LIMCH1: variants seen among roughly 807,000 people sequenced by gnomAD.
LIMCH1 encodes LIM and calponin homology domains 1.
A neutral mutation model predicts 176.5 loss-of-function variants in LIMCH1; 113 were observed. That is an observed-to-expected ratio of 0.64 (90% CI 0.55 to 0.75). The LOEUF is 0.75. Among genes scored for constraint, LIMCH1 ranks in the 30% least tolerant of loss-of-function variants. LIMCH1 has a pLI of 0.00. For synonymous variants in LIMCH1, 619 were observed against 645.9 expected (o/e 0.96, Z 0.63); for missense variants, 1,674 against 1,814.9 (o/e 0.92, Z 1.41).
At chr4:41,506,651 C>T (rs2074200705) in intron 2 of LIMCH1, among the ~76,000 whole-genome samples, 1 of 152,076 alleles carries the variant, frequency 6.6e-6, no homozygotes, top group Admixed American at 6.5e-5. Context: ...ACTGTTATGA[C>T]TTGGGAGACA....
In LIMCH1 at chr4:41,684,236, T is replaced by C. The variant is rs78001115; in HGVS notation, c.3846-161T>C. ...ATGGGTGGATAATAGAAATTTGTAGTACTTTATCATTTTAAATCTATTTTA... is the reference window on the plus strand; with the variant it reads ...ATGGGTGGATAATAGAAATTTGTAGCACTTTATCATTTTAAATCTATTTTA... On this transcript the variant is annotated intron_variant, in intron 26 of 31. Coordinates refer to ENST00000503057, the MANE Select transcript of LIMCH1 (RefSeq NM_001330672.2). 6.1e-3 allele frequency among the ~76,000 whole-genome samples: 930 copies of C among 152,318 alleles called. 11 individuals carry two copies. The highest frequency in any genetic ancestry group is 0.021 in the African/African-American group (888 of 41,572).
chr4:41,547,859 GTGTGTATATATATATATA>G (rs1230580614), intron 1 of LIMCH1, among the ~76,000 whole-genome samples: 1,376 of 69,426 alleles, frequency 0.02, 20 homozygotes, highest in African/African-American at 0.082. Context: ...TAATTTGTGT[GTGTGTATATATATATATA>G]TATATATATA....
rs780155856 is a variant in LIMCH1, at chr4:41,605,979, A to T, written c.-17A>T. 1.2e-5 allele frequency: 20 copies of T among 1,613,434 alleles called. No individual in the cohort carries two copies. The highest frequency in any genetic ancestry group is 1.6e-5 in the Non-Finnish European group (19 of 1,179,562). On this transcript the variant is annotated 5_prime_UTR_variant, in exon 4 of 32. Transcript: ENST00000503057. ...ACGACACTAAACCTGAAGGAGTTTG[A>T]AGGATTGTTGGCTCAGATGCGAAAG...
chr4:41,555,143 T>C (rs2081063195), intron 1 of LIMCH1, among the ~76,000 whole-genome samples: 1 of 152,228 alleles, frequency 6.6e-6, no homozygotes, highest in African/African-American at 2.4e-5. Flanking sequence ...ATGTGAAAAC[T>C]GTTCACAAAT....
rs57517524 is a variant in LIMCH1 at position 41,460,458 on chromosome 4, C to CTATATATATATATATATATA, written c.97-34076_97-34057dup. On this transcript the variant is annotated intron_variant, in intron 1 of 26. Transcript: ENST00000313860. ...AAATTTGTTCCACTATAGTAATCAT[C>CTATATATATATATATATATA]TATATATATATATATATATATCTTA... Among the ~76,000 whole-genome samples, 621 of 110,378 alleles carry CTATATATATATATATATATA rather than the reference C, an allele frequency of 5.6e-3. 23 individuals carry two copies. Among genetic ancestry groups the CTATATATATATATATATATA allele is most frequent in the African/African-American group, 0.015 (374 of 25,140 alleles). The allele number at this position is 110,378 out of a possible 152,430, so 72.4% of individuals were successfully genotyped here. A position where few individuals can be genotyped will look rare whatever the true frequency, so the allele number is the denominator to read the frequency against.
intron 1 of LIMCH1, among the ~76,000 whole-genome samples, chr4:41,478,388 A>G (rs2068066029): frequency 6.6e-6 from 1 of 152,180 alleles, no homozygotes; most frequent in Non-Finnish European, 1.5e-5. Context: ...AAGCCCTTTT[A>G]AAGGATAGGC....
Position 41,538,234 on chromosome 4 carries a change from G to A in LIMCH1, c.-357G>A. 1.0e-6 allele frequency: 1 copy of A among 985,588 alleles called. No homozygotes were observed. Among genetic ancestry groups the A allele is most frequent in the Non-Finnish European group, 1.2e-6 (1 of 830,034 alleles). The allele number at this position is 985,588 out of a possible 1,614,324, so 61.1% of individuals were successfully genotyped here. On this transcript the variant is annotated 5_prime_UTR_variant, in exon 1 of 32. An upstream start codon of the reference 5' UTR is lost. Coordinates refer to ENST00000503057, the MANE Select transcript of LIMCH1 (RefSeq NM_001330672.2). Reference sequence around the variant, plus strand: ...TGACGACTGTTTTGGGAAAGGAAATGTAAGGGCATTTCGGCTGCTGTGCTG... The same window carrying A: ...TGACGACTGTTTTGGGAAAGGAAATATAAGGGCATTTCGGCTGCTGTGCTG...
At chr4:41,647,844 A>G (rs1416973058) in intron 17 of LIMCH1, among the ~76,000 whole-genome samples, 1 of 152,270 alleles carries the variant, frequency 6.6e-6, no homozygotes, top group Non-Finnish European at 1.5e-5. Flanking sequence ...AGGCTTTGAT[A>G]GAACAAAAAT....
At chr4:41,383,466 A>T (rs948208295) in intron 1 of LIMCH1, among the ~76,000 whole-genome samples, 1 of 152,168 alleles carries the variant, frequency 6.6e-6, no homozygotes, top group Non-Finnish European at 1.5e-5. Context: ...AAAGCCAGGG[A>T]TCTGTGGGCT....
chr4:41,498,734 T>C (rs2072667593), intron 2 of LIMCH1, among the ~76,000 whole-genome samples: 1 of 152,224 alleles, frequency 6.6e-6, no homozygotes, highest in East Asian at 1.9e-4. Flanking sequence ...GCAGATGATA[T>C]TCTCTACTTC....
At chr4:41,547,452 C>T (rs1050158209) in intron 1 of LIMCH1, among the ~76,000 whole-genome samples, 1 of 151,692 alleles carries the variant, frequency 6.6e-6, no homozygotes, top group Non-Finnish European at 1.5e-5. Flanking sequence ...ATATTAACTG[C>T]AGAGGCCCAG....
At chr4:41,505,373 C>T (rs968014276) in intron 2 of LIMCH1, among the ~76,000 whole-genome samples, 5 of 152,320 alleles carry the variant, frequency 3.3e-5, no homozygotes, top group East Asian at 1.9e-4. Flanking sequence ...CAGCAAGCCA[C>T]GGGATGAAGG....
At chr4:41,522,827 T>G (rs993225312) in intron 2 of LIMCH1, among the ~76,000 whole-genome samples, 2 of 152,182 alleles carry the variant, frequency 1.3e-5, no homozygotes, top group Non-Finnish European at 2.9e-5. Flanking sequence ...ATAAATTGCC[T>G]TCCAACTGGT....
intron 4 of LIMCH1, among the ~76,000 whole-genome samples, chr4:41,606,283 T>A (rs560908316): frequency 3.3e-5 from 5 of 152,210 alleles, no homozygotes; most frequent in African/African-American, 1.2e-4. Context: ...TATGCCTTTG[T>A]ATGCCAAGAT....
chr4:41,651,307 A>G (rs1030551171), intron 18 of LIMCH1, among the ~76,000 whole-genome samples: 5 of 152,186 alleles, frequency 3.3e-5, no homozygotes, highest in South Asian at 4.2e-4. Context: ...CACCCAGCCT[A>G]ATTTCCCCTT....
intron 1 of LIMCH1, among the ~76,000 whole-genome samples, chr4:41,431,590 T>C (rs2061611886): frequency 6.6e-6 from 1 of 152,202 alleles, no homozygotes; most frequent in Non-Finnish European, 1.5e-5. Context: ...CTAGCTGAAT[T>C]AGTTTTCCAT....
chr4:41,693,054 G>C (rs6835394), intron 31 of LIMCH1: 7 of 152,188 alleles, frequency 4.6e-5, no homozygotes, highest in African/African-American at 7.2e-5. Context: ...GGGGCAGCAG[G>C]GGGTGCTGTT....
intron 1 of LIMCH1, among the ~76,000 whole-genome samples, chr4:41,418,560 T>G (rs773574327): frequency 3.9e-5 from 6 of 152,238 alleles, no homozygotes; most frequent in Non-Finnish European, 5.9e-5. Flanking sequence ...CTGCCGCTCC[T>G]GCAGTCTGGT....
chr4:41,662,088 A>G (rs143525633), intron 19 of LIMCH1: 74 of 161,614 alleles, frequency 4.6e-4, no homozygotes, highest in Non-Finnish European at 8.4e-4. Flanking sequence ...CCCTCTTTCA[A>G]TACCAAATTA....
Sources: allele counts gnomAD v4.1 joint callset (sites outside exome capture counted in the v4.1 genomes callset), GRCh38; gene constraint gnomAD v4.1.1; transcripts MANE v1.5; gene names NCBI Gene and HGNC (gene_info 2026-07-23, HGNC 2026-07-21).